Variants in CEMIP observed in about 807,000 individuals in gnomAD.
CEMIP encodes cell migration-inducing and hyaluronan-binding protein.
In CEMIP, 105 loss-of-function variants were observed where a neutral mutation model predicts 156.9. That is an observed-to-expected ratio of 0.67 (90% confidence interval 0.57 to 0.79). The LOEUF (loss-of-function observed/expected upper bound fraction) is 0.79. CEMIP is among the 30% of genes least tolerant of loss of function. The probability of loss-of-function intolerance (pLI) is 0.00; values close to 1 mark genes in which losing one functional copy is unlikely to be tolerated. For missense variants in CEMIP, 1,457 were observed against 1,769.4 expected (o/e 0.82, Z 3.17); for synonymous variants, 676 against 668.4 (o/e 1.01, Z -0.17).
rs566689608 is a variant in CEMIP at position 80,839,831 on chromosome 15, G to A, written c.-175-33707G>A. On this transcript the variant is annotated intron_variant, in intron 1 of 29. Coordinates refer to ENST00000394685, the MANE Select transcript of CEMIP (RefSeq NM_001293298.2). ...ATTTGTCCAATATTCCTTCAGTCTC[G>A]ATTATGTCCCAGGCAAAGTGCTAGA... Among the ~76,000 whole-genome samples the A allele has an allele frequency of 6.6e-5, 10 of 152,258 alleles. No homozygotes were observed. In the East Asian group the frequency reaches 1.9e-3, roughly 29 times the overall value.
At position 80,948,165 on chromosome 15, in the gene CEMIP, G is replaced by T. The variant is rs141548192; in HGVS notation, c.3959-632G>T. 1.3e-3 allele frequency: 212 copies of T among 158,432 alleles called. 1 individual carries two copies. Among genetic ancestry groups the T allele is most frequent in the African/African-American group, 4.6e-3 (193 of 41,642 alleles). The allele number at this position is 158,432 out of a possible 1,614,324, so 9.8% of individuals were successfully genotyped here. A position where few individuals can be genotyped will look rare whatever the true frequency, so the allele number is the denominator to read the frequency against. Reference sequence around the variant, plus strand: ...TAAGTTGAATGGCACTTTCCCGGTGGTGATAAATGCATGTTGCCTGCCAAG... The same window carrying T: ...TAAGTTGAATGGCACTTTCCCGGTGTTGATAAATGCATGTTGCCTGCCAAG... On this transcript the variant is annotated intron_variant, in intron 29 of 29. Coordinates refer to ENST00000394685, the MANE Select transcript of CEMIP (RefSeq NM_001293298.2).
chr15:80,912,792 A>G (rs1310889615), intron 14 of CEMIP, among the ~76,000 whole-genome samples: 1 of 152,078 alleles, frequency 6.6e-6, no homozygotes, highest in Admixed American at 6.6e-5. Flanking sequence ...CTCCATCAGT[A>G]TTTTACATTT....
At chr15:80,840,845 T>A (rs1596126140) in intron 1 of CEMIP, among the ~76,000 whole-genome samples, 1 of 152,340 alleles carries the variant, frequency 6.6e-6, no homozygotes, top group African/African-American at 2.4e-5. Context: ...TGGAGTGGAC[T>A]GAGCCTTGTG....
chr15:80,834,354 A>G (rs1263192686), intron 1 of CEMIP, among the ~76,000 whole-genome samples: 1 of 151,960 alleles, frequency 6.6e-6, no homozygotes, highest in Non-Finnish European at 1.5e-5. Context: ...GTCCTTTTTT[A>G]TTTCTGTTTT....
At chr15:80,794,727 A>G (rs1239279806) in intron 1 of CEMIP, among the ~76,000 whole-genome samples, 1 of 152,226 alleles carries the variant, frequency 6.6e-6, no homozygotes, top group Middle Eastern at 3.2e-3. Context: ...CCCGTGCTTA[A>G]TAGCCACAGG....
At chr15:80,862,189 A>ACT (rs1241423945) in intron 1 of CEMIP, among the ~76,000 whole-genome samples, 1 of 152,180 alleles carries the variant, frequency 6.6e-6, no homozygotes, top group African/African-American at 2.4e-5. Context: ...CTCCTGAAAT[A>ACT]CTTACTTGCA....
chr15:80,909,426 A>G (rs1899956204), intron 14 of CEMIP, 120 bp downstream of exon 14: 9 of 1,016,386 alleles, frequency 8.9e-6, no homozygotes, highest in South Asian at 6.8e-5. Flanking sequence ...TCCTTAGTTC[A>G]GGTTTCAGAA....
chr15:80,940,707 C>A (rs145132944), intron 25 of CEMIP, among the ~76,000 whole-genome samples: 1 of 152,170 alleles, frequency 6.6e-6, no homozygotes, highest in Admixed American at 6.5e-5. Context: ...AGAGAGAAGA[C>A]CAAGGGGTCT....
chr15:80,913,724 G>C (rs964536332), intron 14 of CEMIP, among the ~76,000 whole-genome samples: 1 of 152,138 alleles, frequency 6.6e-6, no homozygotes, highest in Non-Finnish European at 1.5e-5. Flanking sequence ...TGTAAACATC[G>C]CTGGTTCTGT....
chr15:80,873,691 C>G lies in CEMIP; in HGVS notation c.-22C>G, dbSNP rs1020073552. On this transcript the variant is annotated 5_prime_UTR_variant, in exon 2 of 30. Transcript: ENST00000394685. The stretch of plus-strand genomic sequence containing the variant: ...CCTTGAGTTGTGGCAGCTGGGGAAG[C>G]CACTGGTGAGGACGCTGCACTGGAG... 1.7e-5 allele frequency: 10 copies of G among 598,660 alleles called. No homozygotes were observed. The highest frequency in any genetic ancestry group is 3.0e-5 in the Non-Finnish European group (10 of 329,584). The allele number at this position is 598,660 out of a possible 1,614,324, so 37.1% of individuals were successfully genotyped here.
intron 1 of CEMIP, among the ~76,000 whole-genome samples, chr15:80,806,651 T>C (rs1003816780): frequency 3.3e-5 from 5 of 152,128 alleles, no homozygotes; most frequent in African/African-American, 1.2e-4. Context: ...GACAGCTGAT[T>C]GAGAGAGTTT....
At chr15:80,857,014 A>G (rs1897868829) in intron 1 of CEMIP, among the ~76,000 whole-genome samples, 1 of 152,192 alleles carries the variant, frequency 6.6e-6, no homozygotes, top group Non-Finnish European at 1.5e-5. Context: ...AGGAAACCAG[A>G]GTGGTTTCTA....
At chr15:80,878,666 T>C in intron 3 of CEMIP, 55 bp from the exon 4 acceptor site, 1 of 1,612,942 alleles carries the variant, frequency 6.2e-7, no homozygotes, top group Non-Finnish European at 8.5e-7. Context: ...CCTGTAGCAT[T>C]CTTGCTTGGT....
intron 1 of CEMIP, among the ~76,000 whole-genome samples, chr15:80,795,423 C>G (rs570144769): frequency 6.6e-6 from 1 of 151,550 alleles, no homozygotes; most frequent in Non-Finnish European, 1.5e-5. Context: ...GTGGGTGGAT[C>G]CAGCTGGTGT....
chr15:80,890,412 C>T (rs1346663742), intron 10 of CEMIP, among the ~76,000 whole-genome samples: 6 of 145,188 alleles, frequency 4.1e-5, no homozygotes, highest in South Asian at 2.3e-4. Context: ...AACCCCCTCT[C>T]GACTAAAAAT....
At chr15:80,838,310 C>T (rs1038247309) in intron 1 of CEMIP, among the ~76,000 whole-genome samples, 3 of 152,070 alleles carry the variant, frequency 2.0e-5, no homozygotes, top group African/African-American at 7.2e-5. Context: ...ACCCTGCTGG[C>T]CCGTGGGTGA....
At chr15:80,841,971 G>T in intron 1 of CEMIP, 1 of 364,366 alleles carries the variant, frequency 2.7e-6, no homozygotes, top group South Asian at 2.3e-5. Context: ...AAAATGCCTA[G>T]CACAGTGCCT....
intron 1 of CEMIP, among the ~76,000 whole-genome samples, chr15:80,784,475 A>C (rs1895876180): frequency 6.6e-6 from 1 of 152,096 alleles, no homozygotes; most frequent in South Asian, 2.1e-4. Flanking sequence ...TAAGGTATGC[A>C]CTCAGCCCTT....
intron 25 of CEMIP, among the ~76,000 whole-genome samples, chr15:80,940,216 A>G (rs1174518113): frequency 6.6e-6 from 1 of 152,230 alleles, no homozygotes; most frequent in Non-Finnish European, 1.5e-5. Context: ...CATGCCTTCC[A>G]GGGCTTTGCA....
Sources: gnomAD v4.1 joint callset for allele counts (sites outside exome capture counted in the v4.1 genomes callset) on GRCh38, gnomAD v4.1.1 for gene constraint, MANE v1.5 for transcripts, NCBI Gene and HGNC (gene_info 2026-07-23, HGNC 2026-07-21) for gene names.